Variants in DLG1 observed in about 807,000 individuals in gnomAD.
The protein encoded by DLG1 is disks large homolog 1.
Under a neutral mutation model 123.4 loss-of-function variants are expected in DLG1, and 42 were observed. The observed-to-expected ratio is 0.34, with a 90% CI of 0.27 to 0.44. The LOEUF is 0.44. Among genes scored for constraint, DLG1 ranks in the 20% least tolerant of loss-of-function variants. The probability of loss-of-function intolerance (pLI) is 1.00; values close to 1 mark genes in which losing one functional copy is unlikely to be tolerated. For synonymous variants in DLG1, 317 were observed against 356.2 expected, an observed-to-expected ratio of 0.89 and a Z score of 1.24; for missense variants, 942 against 1,082.6, an observed-to-expected ratio of 0.87 and a Z score of 1.82.
chr3:197,292,612 C>T (rs2151259710), intron 3 of DLG1, among the ~76,000 whole-genome samples: 1 of 152,268 alleles, frequency 6.6e-6, no homozygotes, highest in East Asian at 1.9e-4. Context: ...ACTTTTGAAA[C>T]TAGTATCTAC....
chr3:197,129,979 G>A (rs927537565), intron 11 of DLG1, among the ~76,000 whole-genome samples: 25 of 152,082 alleles, frequency 1.6e-4, no homozygotes, highest in Admixed American at 1.2e-3. Flanking sequence ...GAAATATTGC[G>A]AGATTTACCA....
At chr3:197,055,309 G>C (rs1433324742) in intron 23 of DLG1, among the ~76,000 whole-genome samples, 1 of 152,134 alleles carries the variant, frequency 6.6e-6, no homozygotes, top group Non-Finnish European at 1.5e-5. Flanking sequence ...TTGTTTTACA[G>C]TCTTTATTAA....
chr3:197,206,124 G>C (rs927981479), intron 4 of DLG1, among the ~76,000 whole-genome samples: 2 of 152,078 alleles, frequency 1.3e-5, no homozygotes, highest in Non-Finnish European at 2.9e-5. Flanking sequence ...TCTTTGAGGG[G>C]GGCAGAAGGG....
chr3:197,078,040 G>A (rs1336698794), intron 17 of DLG1, among the ~76,000 whole-genome samples: 1 of 151,828 alleles, frequency 6.6e-6, no homozygotes, highest in Non-Finnish European at 1.5e-5. Context: ...AGCCAGGTGT[G>A]GTGGCTCACA....
intron 4 of DLG1, among the ~76,000 whole-genome samples, chr3:197,235,406 C>G (rs1745441160): frequency 6.6e-6 from 1 of 152,220 alleles, no homozygotes; most frequent in African/African-American, 2.4e-5. Context: ...TAAAATTCAA[C>G]AAGGCCAGGC....
At chr3:197,291,586 C>T (rs1372835131) in intron 3 of DLG1, among the ~76,000 whole-genome samples, 1 of 152,160 alleles carries the variant, frequency 6.6e-6, no homozygotes, top group Non-Finnish European at 1.5e-5. Context: ...GCATGCTTGT[C>T]ATTTAGTATT....
intron 10 of DLG1, among the ~76,000 whole-genome samples, chr3:197,133,367 A>C (rs1783591522): frequency 6.6e-6 from 1 of 152,200 alleles, no homozygotes; most frequent in Admixed American, 6.5e-5. Flanking sequence ...CTTGCCCACC[A>C]TATGTGTCAG....
At chr3:197,238,442 T>C (rs1747157773) in intron 4 of DLG1, among the ~76,000 whole-genome samples, 1 of 151,818 alleles carries the variant, frequency 6.6e-6, no homozygotes, top group Admixed American at 6.6e-5. Flanking sequence ...AAATAGAAAG[T>C]CTAAGCAAAG....
intron 4 of DLG1, among the ~76,000 whole-genome samples, chr3:197,275,109 C>T (rs934804410): frequency 6.6e-6 from 1 of 150,880 alleles, no homozygotes; most frequent in Non-Finnish European, 1.5e-5. Context: ...TTGCTTGGAC[C>T]TGGGAGGTGG....
chr3:197,237,559 A>G (rs1035365030), intron 4 of DLG1, among the ~76,000 whole-genome samples: 13 of 152,242 alleles, frequency 8.5e-5, no homozygotes, highest in African/African-American at 3.1e-4. Flanking sequence ...AAAGACCAGC[A>G]GGTAGCCTAG....
chr3:197,123,010 A>G (rs1393164672), intron 11 of DLG1, among the ~76,000 whole-genome samples: 1 of 152,144 alleles, frequency 6.6e-6, no homozygotes, highest in Non-Finnish European at 1.5e-5. Context: ...AAGAGCCTAG[A>G]AATAGGTTCA....
intron 13 of DLG1, 112 bp from the exon 14 acceptor site, chr3:197,105,117 A>G (rs976382268): frequency 5.9e-5 from 36 of 611,412 alleles, no homozygotes; most frequent in Admixed American, 1.1e-4. Context: ...CAATAACTTT[A>G]CCACTAAAAT....
rs1237104005 is a variant in DLG1, at chr3:197,150,224, G to GA, written c.484-429dup. On this transcript the variant is annotated intron_variant, in intron 5 of 24. Transcript: ENST00000667157. ...CCACAGTGAACTGTTTTTAAACAAG[G>GA]AAAAAAAAAAGTTCATCACAGAAAG... is the stretch of plus-strand genomic sequence containing the variant. Among the ~76,000 whole-genome samples the GA allele has an allele frequency of 7.5e-5, 11 of 147,364 alleles. No individual in the cohort carries two copies. The South Asian group carries it at 8.5e-4, about 11-fold the overall frequency.
intron 4 of DLG1, among the ~76,000 whole-genome samples, chr3:197,224,540 A>AT (rs1423873833): frequency 1.3e-5 from 2 of 152,192 alleles, no homozygotes; most frequent in African/African-American, 2.4e-5. Flanking sequence ...ATGCATATGA[A>AT]TTTTTTACTG....
intron 15 of DLG1, among the ~76,000 whole-genome samples, chr3:197,086,806 A>T (rs563391689): frequency 6.6e-6 from 1 of 152,296 alleles, no homozygotes; most frequent in South Asian, 2.1e-4. Context: ...TAAAATAGAA[A>T]ATAAAGTACC....
At chr3:197,100,019 G>A (rs990610996) in intron 14 of DLG1, among the ~76,000 whole-genome samples, 2 of 152,180 alleles carry the variant, frequency 1.3e-5, no homozygotes, top group East Asian at 1.9e-4. Flanking sequence ...TGAACAGCAC[G>A]TGCGTAAGTG....
At chr3:197,276,633 T>C (rs1766564260) in intron 4 of DLG1, among the ~76,000 whole-genome samples, 1 of 152,154 alleles carries the variant, frequency 6.6e-6, no homozygotes. Context: ...AGAAGTTTCT[T>C]AAGTTGAAAG....
chr3:197,133,212 G>A (rs914430583), intron 10 of DLG1, among the ~76,000 whole-genome samples: 3 of 152,212 alleles, frequency 2.0e-5, no homozygotes, highest in Non-Finnish European at 4.4e-5. Context: ...TAAAAACAAT[G>A]TACCAGTGCT....
At chr3:197,198,487 CAA>C (rs5855568) in intron 4 of DLG1, among the ~76,000 whole-genome samples, 11 of 109,612 alleles carry the variant, frequency 1.0e-4, no homozygotes, top group Admixed American at 1.0e-4. Context: ...ACTCAGTCTC[CAA>C]AAAAAAAAAA....
Sources: allele counts gnomAD v4.1 joint callset (sites outside exome capture counted in the v4.1 genomes callset), GRCh38; gene constraint gnomAD v4.1.1; transcripts MANE v1.5; gene names NCBI Gene and HGNC (gene_info 2026-07-23, HGNC 2026-07-21).